SGIP1: variants seen among roughly 807,000 people sequenced by gnomAD.
SGIP1 encodes SH3GL interacting endocytic adaptor 1, also known as SH3-containing GRB2-like protein 3-interacting protein 1.
Under a neutral mutation model 107.5 loss-of-function variants are expected in SGIP1, and 38 were observed. The ratio of observed to expected loss-of-function variants is 0.35; its 90% CI spans 0.27 to 0.46. The LOEUF is 0.46. Among genes scored for constraint, SGIP1 ranks in the 20% least tolerant of loss-of-function variants. The pLI is 1.00. For synonymous variants in SGIP1, 365 were observed against 366.1 expected (o/e 1.00, Z 0.03); for missense variants, 929 against 1,019.5 (o/e 0.91, Z 1.21).
intron 7 of SGIP1, among the ~76,000 whole-genome samples, chr1:66,646,616 A>G (rs1317090236): frequency 2.6e-5 from 4 of 152,198 alleles, no homozygotes; most frequent in African/African-American, 9.6e-5. Context: ...TTCGCTATAT[A>G]TATTGGGCGG....
Position 66,747,099 on chromosome 1 carries a change from C to T in SGIP1, c.*4004C>T, listed in dbSNP as rs1355765464. 1.3e-5 allele frequency: 2 copies of T among 152,068 alleles called. No homozygotes were observed. Among genetic ancestry groups the T allele is most frequent in the African/African-American group, 4.8e-5 (2 of 41,440 alleles). The allele number at this position is 152,068 out of a possible 1,614,324, so 9.4% of individuals were successfully genotyped here. On this transcript the variant is annotated 3_prime_UTR_variant, in exon 25 of 25. Transcript: ENST00000371037. ...GATTCTACTTTACTCAGATATACCA[C>T]CTTTTGTGGCATTATAAGGAAACAT... is the stretch of plus-strand genomic sequence containing the variant.
intron 15 of SGIP1, among the ~76,000 whole-genome samples, chr1:66,685,975 T>C (rs1391287888): frequency 6.6e-6 from 1 of 152,242 alleles, no homozygotes; most frequent in Non-Finnish European, 1.5e-5. Flanking sequence ...ATGGTATCAT[T>C]ATGGTCTAAG....
intron 19 of SGIP1, among the ~76,000 whole-genome samples, chr1:66,724,180 T>A (rs17129385): frequency 0.012 from 1,843 of 152,302 alleles, 39 homozygotes; most frequent in African/African-American, 0.042. Flanking sequence ...CTGGCCAGTG[T>A]TTCTGTGACC....
chr1:66,645,966 A>G (rs1296866690), intron 7 of SGIP1, among the ~76,000 whole-genome samples: 2 of 151,918 alleles, frequency 1.3e-5, no homozygotes, highest in Admixed American at 6.6e-5. Flanking sequence ...TCAGCCTCCC[A>G]AGTAGCTGGG....
At chr1:66,626,397 C>G (rs1056910611) in intron 2 of SGIP1, among the ~76,000 whole-genome samples, 2 of 151,960 alleles carry the variant, frequency 1.3e-5, no homozygotes, top group East Asian at 3.9e-4. Context: ...GTAAATCAAC[C>G]AACAGAATTC....
intron 1 of SGIP1, among the ~76,000 whole-genome samples, chr1:66,547,423 T>C (rs1217623755): frequency 6.6e-6 from 1 of 152,196 alleles, no homozygotes; most frequent in Non-Finnish European, 1.5e-5. Context: ...CAAATATAGT[T>C]CTGTATACAA....
At chr1:66,561,595 T>G (rs548602256) in intron 1 of SGIP1, among the ~76,000 whole-genome samples, 1 of 152,154 alleles carries the variant, frequency 6.6e-6, no homozygotes, top group Admixed American at 6.6e-5. Context: ...ATTAAGGCAT[T>G]AATTGTCTCA....
At chr1:66,625,275 A>C (rs773824322) in intron 1 of SGIP1, among the ~76,000 whole-genome samples, 9 of 152,240 alleles carry the variant, frequency 5.9e-5, no homozygotes, top group Non-Finnish European at 1.2e-4. Flanking sequence ...AACTGTAAGT[A>C]AGGACCGAAC....
intron 1 of SGIP1, among the ~76,000 whole-genome samples, chr1:66,536,276 C>T (rs1158138477): frequency 6.6e-6 from 1 of 152,142 alleles, no homozygotes; most frequent in African/African-American, 2.4e-5. Context: ...ATACAGTTGT[C>T]TTTCACCAGA....
intron 7 of SGIP1, among the ~76,000 whole-genome samples, chr1:66,655,528 T>C (rs893675006): frequency 3.9e-5 from 6 of 152,242 alleles, no homozygotes; most frequent in African/African-American, 1.4e-4. Context: ...TAGGCAATTT[T>C]ATCATTGTGT....
Position 66,679,688 on chromosome 1 carries a change from A to T in SGIP1, c.750A>T (p.Pro250=). ...CTCATCTTTTTGCAGCACCTCCACC[A>T]CTGCCTCCAAAAAATGTACCAGCTA... The part of the protein sequence containing the change: ...TRPFPTGTPP[P]LPPKNVPATP... Residue 250 remains proline (P), a synonymous_variant, in exon 14 of 25, where the codon CCA becomes CCT. Coordinates refer to ENST00000371037, the MANE Select transcript of SGIP1 (RefSeq NM_032291.4). 2.5e-6 allele frequency: 4 copies of T among 1,606,854 alleles called. No individual in the cohort carries two copies. The highest frequency in any genetic ancestry group is 2.5e-6 in the Non-Finnish European group (3 of 1,178,056).
At chr1:66,535,495 T>G (rs947575324) in intron 1 of SGIP1, among the ~76,000 whole-genome samples, 4 of 152,192 alleles carry the variant, frequency 2.6e-5, no homozygotes, top group Non-Finnish European at 5.9e-5. Context: ...AAAACAGCAG[T>G]GTAGCCTGTA....
Position 66,746,109 on chromosome 1 carries a change from G to C in SGIP1, c.*3014G>C, listed in dbSNP as rs959272603. The stretch of plus-strand genomic sequence containing the variant: ...GTTTTATATATTCTTAGTCAGCAGA[G>C]TGTTTGAGCTATAATTACAAGTATT... On this transcript the variant is annotated 3_prime_UTR_variant, in exon 25 of 25. Transcript: ENST00000371037. 2.2e-4 allele frequency: 34 copies of C among 152,120 alleles called. No individual in the cohort carries two copies. The highest frequency in any genetic ancestry group is 4.3e-4 in the Non-Finnish European group (29 of 67,986). 9.4% of individuals were successfully genotyped at this position (152,120 alleles called of 1,614,324 possible).
intron 1 of SGIP1, among the ~76,000 whole-genome samples, chr1:66,600,368 C>T (rs1318011356): frequency 4.8e-5 from 7 of 147,112 alleles, no homozygotes; most frequent in East Asian, 2.0e-4. Context: ...AGAGACCCCC[C>T]TCCTAGAAAT....
At chr1:66,545,119 T>C (rs569458847) in intron 1 of SGIP1, among the ~76,000 whole-genome samples, 2 of 152,310 alleles carry the variant, frequency 1.3e-5, no homozygotes, top group African/African-American at 4.8e-5. Flanking sequence ...CACCTTCCAA[T>C]GAATCCTCCT....
chr1:66,634,070 C>T, intron 3 of SGIP1: 3 of 1,596,906 alleles, frequency 1.9e-6, no homozygotes, highest in Non-Finnish European at 2.6e-6. Context: ...ATAATCAAGG[C>T]TCTATTCAGC....
chr1:66,565,933 T>G (rs567028257), intron 1 of SGIP1, among the ~76,000 whole-genome samples: 1 of 152,124 alleles, frequency 6.6e-6, no homozygotes, highest in Non-Finnish European at 1.5e-5. Flanking sequence ...AAATCAAGTG[T>G]AGTGTAAATT....
In SGIP1 at chr1:66,682,341, C is replaced by G; in HGVS notation, c.1287C>G (p.Gly429=). ...CTGTGGTTTCGTCCCCCGGACCTGG[C>G]TCGGGCCCTGGTCCGGGGACCACCA... The part of the protein sequence containing the change: ...YRTVVSSPGP[G]SGPGPGTTSG... Residue 429 remains glycine, a synonymous_variant, in exon 15 of 25, where the codon GGC becomes GGG. Transcript: ENST00000371037. 6.2e-7 allele frequency: 1 copy of G among 1,613,464 alleles called. No homozygotes were observed. Among genetic ancestry groups the G allele is most frequent in the Non-Finnish European group, 8.5e-7 (1 of 1,179,846 alleles).
intron 1 of SGIP1, among the ~76,000 whole-genome samples, chr1:66,545,628 TTG>T (rs769603266): frequency 0.03 from 4,173 of 138,992 alleles, 145 homozygotes; most frequent in African/African-American, 0.089. Flanking sequence ...ACTGAACAAA[TTG>T]TGTGTGTGTG....
Sources: gnomAD v4.1 joint callset for allele counts (sites outside exome capture counted in the v4.1 genomes callset) on GRCh38, gnomAD v4.1.1 for gene constraint, MANE v1.5 for transcripts, NCBI Gene and HGNC (gene_info 2026-07-23, HGNC 2026-07-21) for gene names.